SLC44A5: variants seen among roughly 807,000 people sequenced by gnomAD.
SLC44A5 encodes the protein choline transporter-like protein 5.
A neutral mutation model predicts 101.8 loss-of-function variants in SLC44A5; 57 were observed. The ratio of observed to expected loss-of-function variants is 0.56; its 90% CI spans 0.45 to 0.70. The LOEUF (loss-of-function observed/expected upper bound fraction) is 0.70, where lower values mean the gene tolerates loss of function less well. SLC44A5 is among the 30% of genes least tolerant of loss of function. The pLI is 0.00. For missense variants in SLC44A5, 737 were observed against 853.1 expected (o/e 0.86, Z 1.70); for synonymous variants, 281 against 290.9 (o/e 0.97, Z 0.35).
At chr1:75,246,056 A>G (rs145814138) in intron 7 of SLC44A5, among the ~76,000 whole-genome samples, 78 of 152,270 alleles carry the variant, frequency 5.1e-4, no homozygotes, top group African/African-American at 1.8e-3. Context: ...ATTAGCAGTC[A>G]ATAATGACTC....
intron 2 of SLC44A5, among the ~76,000 whole-genome samples, chr1:75,488,820 C>T (rs997009709): frequency 1.3e-5 from 2 of 152,092 alleles, no homozygotes; most frequent in Admixed American, 1.3e-4. Flanking sequence ...ATACAACTTG[C>T]TAAAAAGTGT....
chr1:75,462,663 T>A (rs72988770), intron 2 of SLC44A5, among the ~76,000 whole-genome samples: 4,390 of 149,604 alleles, frequency 0.029, 208 homozygotes, highest in African/African-American at 0.1. Context: ...CAAAATGCTA[T>A]CAGAAAAAAT....
At chr1:75,497,287 G>C (rs1337371932) in intron 2 of SLC44A5, among the ~76,000 whole-genome samples, 1 of 152,042 alleles carries the variant, frequency 6.6e-6, no homozygotes, top group East Asian at 1.9e-4. Flanking sequence ...GTGTGTGTGG[G>C]TGTTTTATTC....
chr1:75,457,573 C>G (rs986657264), intron 2 of SLC44A5, among the ~76,000 whole-genome samples: 1 of 152,046 alleles, frequency 6.6e-6, no homozygotes, highest in South Asian at 2.1e-4. Flanking sequence ...AAAAGTTCAC[C>G]GAGGCCAGGT....
the SLC44A5 span, among the ~76,000 whole-genome samples, chr1:75,678,771 T>G: frequency 3.9e-5 from 6 of 152,024 alleles, no homozygotes; most frequent in African/African-American, 1.2e-4. Context: ...AGAATGACTT[T>G]GACGAGCTGA....
At chr1:75,617,240 A>G in the SLC44A5 span, among the ~76,000 whole-genome samples, 9 of 152,030 alleles carry the variant, frequency 5.9e-5, no homozygotes, top group African/African-American at 2.2e-4. Flanking sequence ...TGACCTTCTT[A>G]ACACTTCTCC....
At chr1:75,385,128 T>G (rs1187856177) in intron 3 of SLC44A5, among the ~76,000 whole-genome samples, 1 of 151,410 alleles carries the variant, frequency 6.6e-6, no homozygotes, top group African/African-American at 2.4e-5. Context: ...ATTGACACCC[T>G]AACATCACAA....
the SLC44A5 span, among the ~76,000 whole-genome samples, chr1:75,685,210 C>T: frequency 1.3e-5 from 2 of 152,152 alleles, no homozygotes; most frequent in East Asian, 1.9e-4. Flanking sequence ...GCCTAGCCCA[C>T]AAAACCATTT....
intron 6 of SLC44A5, among the ~76,000 whole-genome samples, chr1:75,271,364 G>A (rs558704700): frequency 1.6e-4 from 24 of 152,036 alleles, no homozygotes; most frequent in Non-Finnish European, 2.6e-4. Flanking sequence ...CTTAGGTGGT[G>A]AATTCTGAGA....
At chr1:75,521,311 TG>T (rs1670108657) in intron 2 of SLC44A5, among the ~76,000 whole-genome samples, 1 of 152,184 alleles carries the variant, frequency 6.6e-6, no homozygotes, top group South Asian at 2.1e-4. Flanking sequence ...GTGTAACGTC[TG>T]GGACGACATA....
intron 4 of SLC44A5, among the ~76,000 whole-genome samples, chr1:75,339,009 TA>T (rs1278655964): frequency 6.6e-6 from 1 of 152,224 alleles, no homozygotes; most frequent in Non-Finnish European, 1.5e-5. Flanking sequence ...GACTATGAAT[TA>T]CTGGCTAATT....
Position 75,202,587 on chromosome 1 carries a change from A to G in SLC44A5, c.*1140T>C, listed in dbSNP as rs1231683457. The stretch of plus-strand genomic sequence containing the variant: ...TATAGTAGTACAATACAATTAACAT[A>G]CTGTAAGTAAACTGATTTTTTCATA... On this transcript the variant is annotated 3_prime_UTR_variant, in exon 24 of 24. Coordinates refer to ENST00000370859, the MANE Select transcript of SLC44A5 (RefSeq NM_001130058.2). 6.6e-6 allele frequency: 1 copy of G among 152,148 alleles called. No individual in the cohort carries two copies. The highest frequency in any genetic ancestry group is 2.4e-5 in the African/African-American group (1 of 41,440). 9.4% of individuals were successfully genotyped at this position (152,148 alleles called of 1,614,324 possible). A position where few individuals can be genotyped will look rare whatever the true frequency, so the allele number is the denominator to read the frequency against.
chr1:75,688,859 C>G, the SLC44A5 span, among the ~76,000 whole-genome samples: 2 of 152,196 alleles, frequency 1.3e-5, no homozygotes, highest in Non-Finnish European at 2.9e-5. Context: ...CTCCTATCTT[C>G]TCTGTTCAAA....
intron 4 of SLC44A5, among the ~76,000 whole-genome samples, chr1:75,306,201 T>C (rs910119780): frequency 6.6e-6 from 1 of 152,198 alleles, no homozygotes; most frequent in Non-Finnish European, 1.5e-5. Context: ...TTGCATTAGA[T>C]ACCATCTGGC....
chr1:75,395,522 T>C (rs964669708), intron 3 of SLC44A5, among the ~76,000 whole-genome samples: 3 of 152,274 alleles, frequency 2.0e-5, no homozygotes, highest in African/African-American at 7.2e-5. Flanking sequence ...ATTTTGAAAC[T>C]GTAAAATGCT....
At chr1:75,674,815 A>G in the SLC44A5 span, among the ~76,000 whole-genome samples, 1 of 152,236 alleles carries the variant, frequency 6.6e-6, no homozygotes, top group Non-Finnish European at 1.5e-5. Flanking sequence ...ATTCAATTTT[A>G]ATTTTCTGCA....
intron 2 of SLC44A5, among the ~76,000 whole-genome samples, chr1:75,415,804 G>C (rs543894640): frequency 6.6e-6 from 1 of 152,286 alleles, no homozygotes; most frequent in African/African-American, 2.4e-5. Context: ...TTAGCAAAGA[G>C]ACTGGTGGCA....
At chr1:75,676,637 A>G in the SLC44A5 span, among the ~76,000 whole-genome samples, 1 of 152,232 alleles carries the variant, frequency 6.6e-6, no homozygotes, top group Non-Finnish European at 1.5e-5. Context: ...GCAAATCACC[A>G]TGGTACACAT....
intron 2 of SLC44A5, among the ~76,000 whole-genome samples, chr1:75,469,823 C>A (rs554143426): frequency 2.0e-5 from 3 of 149,470 alleles, no homozygotes; most frequent in Non-Finnish European, 4.4e-5. Flanking sequence ...TCATTTAAGC[C>A]CAGGAATTCG....
Sources: gnomAD v4.1 joint callset for allele counts (sites outside exome capture counted in the v4.1 genomes callset) on GRCh38, gnomAD v4.1.1 for gene constraint, MANE v1.5 for transcripts, NCBI Gene and HGNC (gene_info 2026-07-23, HGNC 2026-07-21) for gene names.